The following PIK3C2G variants were observed in gnomAD, a reference collection of about 807,000 sequenced individuals.
PIK3C2G encodes the protein phosphatidylinositol 3-kinase C2 domain-containing subunit gamma.
PIK3C2G carries 168 observed loss-of-function variants against 181.1 expected under a neutral mutation model. That is an observed-to-expected ratio of 0.93 (90% CI 0.82 to 1.05). PIK3C2G has a LOEUF of 1.05. PIK3C2G is among the 50% of genes least tolerant of loss of function. PIK3C2G has a pLI of 0.00. For missense variants in PIK3C2G, 1,869 were observed against 1,732.8 expected, an observed-to-expected ratio of 1.08 and a Z score of -1.40; for synonymous variants, 573 against 592.2, an observed-to-expected ratio of 0.97 and a Z score of 0.47.
At chr12:18,555,649 C>A (rs1944969729) in intron 26 of PIK3C2G, among the ~76,000 whole-genome samples, 1 of 152,064 alleles carries the variant, frequency 6.6e-6, no homozygotes, top group African/African-American at 2.4e-5. Context: ...AGACTATGTT[C>A]CTTGGCAGCT....
the PIK3C2G span, among the ~76,000 whole-genome samples, chr12:18,724,896 T>C: frequency 1.3e-5 from 2 of 152,100 alleles, no homozygotes; most frequent in South Asian, 2.1e-4. Context: ...AAATAAAATA[T>C]ACATTATTCA....
chr12:18,358,556 C>T, intron 11 of PIK3C2G: 3 of 373,812 alleles, frequency 8.0e-6, no homozygotes, highest in South Asian at 7.1e-5. Context: ...GCCACTGAAG[C>T]AGTGAGGCAA....
At chr12:18,353,269 T>A (rs1415984128) in intron 11 of PIK3C2G, among the ~76,000 whole-genome samples, 1 of 151,544 alleles carries the variant, frequency 6.6e-6, no homozygotes, top group African/African-American at 2.4e-5. Context: ...TGTCCAAGGC[T>A]CCAGTTGCCT....
chr12:18,418,062 G>A (rs1945281705), intron 16 of PIK3C2G, among the ~76,000 whole-genome samples: 1 of 151,994 alleles, frequency 6.6e-6, no homozygotes, highest in South Asian at 2.1e-4. Flanking sequence ...TTTATTCATT[G>A]CAACCATATA....
rs577137610 is a variant in PIK3C2G at position 18,631,859 on chromosome 12, G to T, written c.4183-8570G>T. ...AGATTCAGATTGAAGTTTATTGAGT[G>T]TAAGAATGCTAAGAAGACATCCAGA... is the stretch of plus-strand genomic sequence containing the variant. On this transcript the variant is annotated intron_variant, in intron 31 of 32. Coordinates refer to ENST00000538779, the MANE Select transcript of PIK3C2G (RefSeq NM_001288772.2). Among the ~76,000 whole-genome samples, 4 of 152,196 alleles carry T rather than the reference G, an allele frequency of 2.6e-5. No homozygotes were observed. In the South Asian group the frequency reaches 6.2e-4, roughly 24 times the overall value.
chr12:18,654,828 C>T, the PIK3C2G span, among the ~76,000 whole-genome samples: 62 of 152,202 alleles, frequency 4.1e-4, no homozygotes, highest in African/African-American at 1.4e-3. Flanking sequence ...GACTTCATCT[C>T]TCTTAATGTG....
At chr12:18,254,594 G>C (rs10770339) in intron 1 of PIK3C2G, among the ~76,000 whole-genome samples, 66,735 of 151,626 alleles carry the variant, frequency 0.44, 15,115 homozygotes, top group East Asian at 0.75. Context: ...CCTGTAATCC[G>C]AGCACTTTGG....
At chr12:18,479,473 T>C (rs1275019582) in intron 18 of PIK3C2G, among the ~76,000 whole-genome samples, 2 of 152,098 alleles carry the variant, frequency 1.3e-5, no homozygotes, top group African/African-American at 4.8e-5. Flanking sequence ...TGAATCACAA[T>C]ATCCTCCCTC....
chr12:18,433,699 G>T (rs1383895369), intron 18 of PIK3C2G, among the ~76,000 whole-genome samples: 1 of 152,060 alleles, frequency 6.6e-6, no homozygotes, highest in African/African-American at 2.4e-5. Flanking sequence ...CAAAAACACT[G>T]TTCAATTAAG....
chr12:18,648,294 T>C lies in PIK3C2G; in HGVS notation c.*266T>C, dbSNP rs887508054. Reference sequence around the variant, plus strand: ...AATAAAAGACCTTTATTAAATCATTTTAATATATTTTAAATTAAACATAGG... The same window carrying C: ...AATAAAAGACCTTTATTAAATCATTCTAATATATTTTAAATTAAACATAGG... On this transcript the variant is annotated 3_prime_UTR_variant, in exon 33 of 33. Coordinates refer to ENST00000538779, the MANE Select transcript of PIK3C2G (RefSeq NM_001288772.2). 1 of 241,872 alleles carries C rather than the reference T, an allele frequency of 4.1e-6. No individual in the cohort carries two copies. Among genetic ancestry groups the C allele is most frequent in the East Asian group, 6.0e-5 (1 of 16,672 alleles). The allele number at this position is 241,872 out of a possible 1,614,324, so 15.0% of individuals were successfully genotyped here. A position where few individuals can be genotyped will look rare whatever the true frequency, so the allele number is the denominator to read the frequency against.
At chr12:18,584,027 G>GT (rs1037378832) in intron 29 of PIK3C2G, among the ~76,000 whole-genome samples, 7 of 145,248 alleles carry the variant, frequency 4.8e-5, no homozygotes, top group East Asian at 2.1e-4. Flanking sequence ...CAGTTTTTTT[G>GT]TTTTTTTGTT....
At position 18,598,183 on chromosome 12, in the gene PIK3C2G, G is replaced by A. The variant is rs1326733195; in HGVS notation, c.4087+3614G>A. ...CATATGGAACCAAAAAAGAGCCCGC[G>A]TTGCCAAGTCAATCCTAAGCCAAAA... On this transcript the variant is annotated intron_variant, in intron 30 of 32. Transcript: ENST00000538779. 5.3e-3 allele frequency among the ~76,000 whole-genome samples: 789 copies of A among 149,916 alleles called. 6 individuals are homozygous for A. Among genetic ancestry groups the A allele is most frequent in the African/African-American group, 0.018 (722 of 39,520 alleles).
chr12:18,599,391 C>T (rs968226141), intron 30 of PIK3C2G, among the ~76,000 whole-genome samples: 88 of 151,576 alleles, frequency 5.8e-4, no homozygotes, highest in Admixed American at 5.9e-4. Flanking sequence ...AGTAAACTAT[C>T]GCAAGAGCAA....
chr12:18,650,736 A>ATC (rs1950469258), downstream of PIK3C2G, among the ~76,000 whole-genome samples: 1 of 29,528 alleles, frequency 3.4e-5, no homozygotes, highest in Non-Finnish European at 5.6e-5. Context: ...ATATATATAT[A>ATC]TATATATATA....
chr12:18,341,047 G>C (rs972450531), intron 9 of PIK3C2G, among the ~76,000 whole-genome samples: 2 of 152,134 alleles, frequency 1.3e-5, no homozygotes, highest in Admixed American at 1.3e-4. Flanking sequence ...AGACTATTTG[G>C]TTATTCTTCG....
chr12:18,256,567 C>T (rs1483237250), upstream of PIK3C2G, among the ~76,000 whole-genome samples: 1 of 152,120 alleles, frequency 6.6e-6, no homozygotes, highest in African/African-American at 2.4e-5. Flanking sequence ...GGCCTATTTA[C>T]TGCCGGCCCT....
chr12:18,480,342 T>G (rs1224746106), intron 18 of PIK3C2G, among the ~76,000 whole-genome samples: 1 of 152,122 alleles, frequency 6.6e-6, no homozygotes, highest in Non-Finnish European at 1.5e-5. Context: ...AGTAAGTGTG[T>G]TTTGTAATGT....
chr12:18,523,756 C>A (rs996508349), intron 24 of PIK3C2G, among the ~76,000 whole-genome samples: 3 of 152,188 alleles, frequency 2.0e-5, no homozygotes, highest in African/African-American at 7.2e-5. Context: ...TGCAGTTCCT[C>A]CCCAGTATGG....
At chr12:18,351,097 T>A (rs1003682698) in intron 11 of PIK3C2G, among the ~76,000 whole-genome samples, 1 of 152,046 alleles carries the variant, frequency 6.6e-6, no homozygotes, top group African/African-American at 2.4e-5. Context: ...ACCTATATAA[T>A]AAAGATCTCA....
Sources: gnomAD v4.1 joint callset for allele counts (sites outside exome capture counted in the v4.1 genomes callset) on GRCh38, gnomAD v4.1.1 for gene constraint, MANE v1.5 for transcripts, NCBI Gene and HGNC (gene_info 2026-07-23, HGNC 2026-07-21) for gene names.